Variants in TBC1D4 observed in about 807,000 individuals in gnomAD.
TBC1D4 encodes TBC (Tre-2, BUB2, CDC16) domain-containing protein.
Under a neutral mutation model 142.5 loss-of-function variants are expected in TBC1D4, and 121 were observed. The ratio of observed to expected loss-of-function variants is 0.85; its 90% CI spans 0.73 to 0.99. TBC1D4 has a LOEUF of 0.99. Among genes scored for constraint, TBC1D4 ranks in the 50% least tolerant of loss-of-function variants. The probability of loss-of-function intolerance (pLI) is 0.00; values close to 1 mark genes in which losing one functional copy is unlikely to be tolerated. For missense variants in TBC1D4, 1,475 were observed against 1,606.6 expected (o/e 0.92, Z 1.40); for synonymous variants, 630 against 628.2 (o/e 1.00, Z -0.04).
chr13:75,407,901 A>G (rs1885418361), intron 1 of TBC1D4, among the ~76,000 whole-genome samples: 1 of 152,238 alleles, frequency 6.6e-6, no homozygotes, highest in South Asian at 2.1e-4. Context: ...GGTACACATA[A>G]AACAGAAATG....
chr13:75,341,201 T>C lies in TBC1D4; in HGVS notation c.1535A>G (p.Glu512Gly). ...MKPVSDQEEN[E>G]LVILHLRQLC... ...CTGCCTCAGGTGTAAAATCACAAGTTCATTTTCTTCCTGGTCACTGACTGG... is the reference window on the plus strand; with the variant it reads ...CTGCCTCAGGTGTAAAATCACAAGTCCATTTTCTTCCTGGTCACTGACTGG... The change falls in exon 7 of 21, where the codon GAA (glutamate) becomes GGA (glycine). Residue 512 changes from glutamate to glycine, a missense_variant. Around this residue, in one of 2 missense-constraint regions of TBC1D4, gnomAD observed 1,227 missense variants for 1,267.7 expected, o/e 0.97. Transcript: ENST00000377636. 6.2e-7 allele frequency: 1 copy of C among 1,613,686 alleles called. No homozygotes were observed. The highest frequency in any genetic ancestry group is 1.1e-5 in the South Asian group (1 of 91,034).
chr13:75,396,023 T>C (rs1231776248), intron 1 of TBC1D4, among the ~76,000 whole-genome samples: 1 of 152,160 alleles, frequency 6.6e-6, no homozygotes. Flanking sequence ...GTCCCTCGTT[T>C]TTCTCATGAC....
At chr13:75,364,314 C>T (rs1402246389) in intron 1 of TBC1D4, among the ~76,000 whole-genome samples, 1 of 152,182 alleles carries the variant, frequency 6.6e-6, no homozygotes, top group Non-Finnish European at 1.5e-5. Flanking sequence ...TTAATATTTT[C>T]GGACCACAGA....
intron 1 of TBC1D4, among the ~76,000 whole-genome samples, chr13:75,424,857 T>A (rs1886316986): frequency 6.6e-6 from 1 of 152,120 alleles, no homozygotes. Context: ...TATACAGAAA[T>A]CAACTCAAAC....
chr13:75,404,439 C>T (rs1885237545), intron 1 of TBC1D4, among the ~76,000 whole-genome samples: 1 of 152,156 alleles, frequency 6.6e-6, no homozygotes, highest in African/African-American at 2.4e-5. Context: ...CCCTAAGCTC[C>T]TCTTGGCTGT....
At chr13:75,314,908 A>T (rs1375478295) in intron 12 of TBC1D4, among the ~76,000 whole-genome samples, 1 of 152,006 alleles carries the variant, frequency 6.6e-6, no homozygotes, top group Non-Finnish European at 1.5e-5. Context: ...TGAACCCGGG[A>T]GGCAGAGGTT....
At chr13:75,409,875 C>T (rs1885536655) in intron 1 of TBC1D4, among the ~76,000 whole-genome samples, 1 of 152,314 alleles carries the variant, frequency 6.6e-6, no homozygotes, top group Admixed American at 6.5e-5. Context: ...TTAATTTATA[C>T]TTGCCCTGCT....
chr13:75,362,479 C>G lies in TBC1D4; in HGVS notation c.627G>C (p.Lys209Asn), dbSNP rs373127638. ...GGGCCTTCTTGTGGGTCACGGTCAC[C>G]TTTCCACAGTACAGGACTTCGAACT... ...SQKFEVLYCG[K>N]VTVTHKKAPS... Residue 209 changes from lysine to asparagine, a missense_variant, in exon 2 of 21, where the codon AAG (lysine) becomes AAC (asparagine). Physicochemically the swap from Lys to Asn is moderately conservative, Grantham distance 94. Transcript: ENST00000377636. This position sits in a 1 kb window ranked among gnomAD's most constrained non-coding sequence, Gnocchi z 4.2. 2.4e-5 allele frequency: 39 copies of G among 1,614,186 alleles called. No homozygotes were observed. The highest frequency in any genetic ancestry group is 3.1e-5 in the Non-Finnish European group (37 of 1,180,032).
At chr13:75,296,573 A>G (rs1448552555) in intron 17 of TBC1D4, among the ~76,000 whole-genome samples, 1 of 152,218 alleles carries the variant, frequency 6.6e-6, no homozygotes, top group Admixed American at 6.5e-5. Context: ...CTTCAAAGAA[A>G]GCTTTAATGA....
chr13:75,352,601 T>TAAGA (rs140551394), intron 4 of TBC1D4, among the ~76,000 whole-genome samples: 5,106 of 151,932 alleles, frequency 0.034, 183 homozygotes, highest in Admixed American at 0.1. Context: ...ACAACTATTT[T>TAAGA]AAGAAAGAAA....
At position 75,481,573 on chromosome 13, in the gene TBC1D4, G is replaced by A. The variant is rs754792913; in HGVS notation, c.195C>T (p.Arg65=). Residue 65 remains arginine, a synonymous_variant, in exon 1 of 21, where the codon CGC becomes CGT. Coordinates refer to ENST00000377636, the MANE Select transcript of TBC1D4 (RefSeq NM_014832.5). ...LPWLMAEIRR[R]SQKPEAGGCG... is the part of the protein sequence containing the mutation. ...AGCCGCCCGCCTCGGGCTTCTGGCT[G>A]CGCCTGCGGATCTCGGCCATGAGCC... The A allele has an allele frequency of 1.0e-5, 16 of 1,601,404 alleles. No individual in the cohort carries two copies. The African/African-American group carries it at 1.9e-4, about 19-fold the overall frequency.
intron 8 of TBC1D4, among the ~76,000 whole-genome samples, chr13:75,328,693 CCA>C (rs1225074550): frequency 1.3e-5 from 2 of 152,126 alleles, no homozygotes; most frequent in Non-Finnish European, 2.9e-5. Context: ...AGTGGAAACA[CCA>C]GTCAGATCCA....
intron 5 of TBC1D4, among the ~76,000 whole-genome samples, chr13:75,346,988 C>T (rs1881200718): frequency 6.6e-6 from 1 of 152,142 alleles, no homozygotes; most frequent in South Asian, 2.1e-4. Flanking sequence ...CCATTATTTA[C>T]AAGTAACACA....
At position 75,462,847 on chromosome 13, in the gene TBC1D4, G is replaced by A. The variant is rs374391886; in HGVS notation, c.498+18423C>T. On this transcript the variant is annotated intron_variant, in intron 1 of 20. Transcript: ENST00000377636. ...CCACCTCCCCGCTGCTTGTAACACC[G>A]CTCATAATTATGCTTCAGTGTGTCC... is the stretch of plus-strand genomic sequence containing the variant. Among the ~76,000 whole-genome samples the A allele has an allele frequency of 4.6e-5, 7 of 152,024 alleles. No individual in the cohort carries two copies. The South Asian group carries it at 1.0e-3, about 23-fold the overall frequency.
chr13:75,359,584 AG>A (rs1439075299), intron 3 of TBC1D4, among the ~76,000 whole-genome samples, 184 bp downstream of exon 3: 9 of 152,242 alleles, frequency 5.9e-5, no homozygotes, highest in Non-Finnish European at 1.3e-4. Flanking sequence ...GGACCTGGGC[AG>A]GATTTTGGTG....
rs530822714 is a variant in TBC1D4 at position 75,472,274 on chromosome 13, C to T, written c.498+8996G>A. ...TATCTACTAAAAATACAAAAATTAG[C>T]TGGGTGTGCTGGCAGGCGCCTGTAG... On this transcript the variant is annotated intron_variant, in intron 1 of 20. Transcript: ENST00000377636. 2.6e-5 allele frequency among the ~76,000 whole-genome samples: 4 copies of T among 151,794 alleles called. No individual in the cohort carries two copies. In the South Asian group the frequency reaches 8.3e-4, roughly 32 times the overall value.
intron 5 of TBC1D4, among the ~76,000 whole-genome samples, chr13:75,345,043 C>T (rs1237121013): frequency 6.6e-6 from 1 of 152,178 alleles, no homozygotes; most frequent in African/African-American, 2.4e-5. Context: ...AGGAGGCTTC[C>T]AGGCCCTGAG....
intron 2 of TBC1D4, 84 bp from the exon 3 acceptor site, chr13:75,359,942 T>A (rs1480181016): frequency 9.3e-7 from 1 of 1,076,328 alleles, no homozygotes. Context: ...ACTAATAATA[T>A]AGATTCAAAT....
intron 1 of TBC1D4, among the ~76,000 whole-genome samples, chr13:75,414,798 G>A (rs1885840878): frequency 6.6e-6 from 1 of 152,154 alleles, no homozygotes; most frequent in African/African-American, 2.4e-5. Flanking sequence ...AGTCAACAAT[G>A]TGAAGACTGA....
Sources: allele counts gnomAD v4.1 joint callset (sites outside exome capture counted in the v4.1 genomes callset), GRCh38; gene constraint gnomAD v4.1.1; regional missense constraint gnomAD v4.1.1; non-coding constraint Gnocchi (gnomAD v3.1); transcripts MANE v1.5; gene names NCBI Gene and HGNC (gene_info 2026-07-23, HGNC 2026-07-21).